The following ZNF395 variants were observed in gnomAD, a reference collection of about 807,000 sequenced individuals.
The protein encoded by ZNF395 is zinc finger protein 395.
Under a neutral mutation model 57.7 loss-of-function variants are expected in ZNF395, and 20 were observed. The ratio of observed to expected loss-of-function variants is 0.35; its 90% CI spans 0.24 to 0.50. The LOEUF is 0.50. Ranked by LOEUF, ZNF395 falls within the 20% of genes least tolerant of loss-of-function variation. The pLI, the probability that ZNF395 is intolerant of heterozygous loss-of-function variation, is 0.97. For synonymous variants in ZNF395, 295 were observed against 275.9 expected (o/e 1.07, Z -0.69); for missense variants, 606 against 671.2 (o/e 0.90, Z 1.07).
At chr8:28,354,193 G>A (rs1240362544) in intron 4 of ZNF395, among the ~76,000 whole-genome samples, 1 of 152,218 alleles carries the variant, frequency 6.6e-6, no homozygotes, top group Non-Finnish European at 1.5e-5. Flanking sequence ...GCTCCTGAAT[G>A]CCTCTGAGCA....
intron 2 of ZNF395, among the ~76,000 whole-genome samples, chr8:28,360,434 G>T (rs1274810184): frequency 6.6e-6 from 1 of 152,178 alleles, no homozygotes; most frequent in Non-Finnish European, 1.5e-5. Flanking sequence ...ACAGGGGCAG[G>T]GATGCTGGAA....
At chr8:28,354,234 C>A (rs897423675) in intron 4 of ZNF395, among the ~76,000 whole-genome samples, 8 of 152,196 alleles carry the variant, frequency 5.3e-5, no homozygotes, top group Non-Finnish European at 1.2e-4. Flanking sequence ...CATGGAGAAT[C>A]TTCCGTTTTT....
intron 8 of ZNF395, among the ~76,000 whole-genome samples, chr8:28,349,793 C>A (rs1019376061): frequency 2.6e-5 from 4 of 152,244 alleles, no homozygotes; most frequent in African/African-American, 9.6e-5. Flanking sequence ...ACCCCAGCCT[C>A]GCCTGGTGAT....
intron 1 of ZNF395, among the ~76,000 whole-genome samples, chr8:28,369,981 G>A (rs749547709): frequency 5.9e-5 from 9 of 152,098 alleles, no homozygotes; most frequent in African/African-American, 9.7e-5. Flanking sequence ...CACTTAATAC[G>A]CTCTGAAGCT....
chr8:28,359,818 C>T lies in ZNF395; in HGVS notation c.247G>A (p.Val83Met). ...VAFQPGQKVYVWYGGQECTGL... is the reference protein window; with the variant it reads ...VAFQPGQKVYMWYGGQECTGL... Reference sequence around the variant, plus strand: ...GTGCACTCTTGACCCCCGTACCACACATAAACCTGTGGGAAGAGGGACAGC... The same window carrying T: ...GTGCACTCTTGACCCCCGTACCACATATAAACCTGTGGGAAGAGGGACAGC... The change falls in exon 3 of 10, where the codon GTG becomes ATG. Residue 83 changes from valine to methionine, a missense_variant. Val to Met is a conservative substitution (Grantham distance 21). Around this residue, in one of 3 missense-constraint regions of ZNF395, gnomAD observed 309 missense variants for 374.7 expected, o/e 0.82. Coordinates refer to ENST00000344423, the MANE Select transcript of ZNF395 (RefSeq NM_018660.3). This position sits in a 1 kb window ranked among gnomAD's most constrained non-coding sequence, Gnocchi z 4.7. 3 of 1,613,216 alleles carry T rather than the reference C, an allele frequency of 1.9e-6. No homozygotes were observed. Among genetic ancestry groups the T allele is most frequent in the Non-Finnish European group, 2.5e-6 (3 of 1,179,434 alleles).
rs370570508 is a variant in ZNF395, at chr8:28,348,785, G to A, written c.1476C>T (p.Ile492=). 1.1e-5 allele frequency: 18 copies of A among 1,614,002 alleles called. No homozygotes were observed. Among genetic ancestry groups the A allele is most frequent in the South Asian group, 4.4e-5 (4 of 91,084 alleles). ...EAKKCRKVYG[I]EHRDQWCTAC... ...CCGTGCACCACTGGTCCCGGTGCTC[G>A]ATGCCATACACCTTGCGGCACTTCT... is the stretch of plus-strand genomic sequence containing the variant. The change falls in exon 10 of 10, where the codon ATC becomes ATT. Residue 492 remains isoleucine, a synonymous_variant. Coordinates refer to ENST00000344423, the MANE Select transcript of ZNF395 (RefSeq NM_018660.3).
intron 7 of ZNF395, 70 bp from the exon 8 acceptor site, chr8:28,350,226 C>T (rs1392125902): frequency 2.3e-6 from 3 of 1,318,782 alleles, no homozygotes; most frequent in South Asian, 2.6e-5. Flanking sequence ...ACAATCCCCA[C>T]AGCCTCATGA....
intron 1 of ZNF395, among the ~76,000 whole-genome samples, chr8:28,380,729 A>G (rs1259774912): frequency 2.6e-5 from 4 of 152,218 alleles, no homozygotes; most frequent in Admixed American, 2.0e-4. Context: ...ACAAACCACC[A>G]TATAAGACAG....
At chr8:28,370,466 G>C (rs770530902) in intron 1 of ZNF395, among the ~76,000 whole-genome samples, 1 of 152,238 alleles carries the variant, frequency 6.6e-6, no homozygotes, top group Non-Finnish European at 1.5e-5. Flanking sequence ...TGAGTTTCGA[G>C]ACGAAAGAGA....
Position 28,356,818 on chromosome 8 carries a change from G to T in ZNF395, c.474-39C>A. ...GATGAGTGGGAAATGTTACTTCCTG[G>T]CATGGCGGGCCCATGGTCCTTGCAA... On this transcript the variant is annotated intron_variant, in intron 3 of 9. Coordinates refer to ENST00000344423, the MANE Select transcript of ZNF395 (RefSeq NM_018660.3). This position sits in a 1 kb window ranked among gnomAD's most constrained non-coding sequence, Gnocchi z 4.0. 1.3e-6 allele frequency: 2 copies of T among 1,533,536 alleles called. No individual in the cohort carries two copies. The highest frequency in any genetic ancestry group is 1.8e-6 in the Non-Finnish European group (2 of 1,121,116). 95.0% of individuals were successfully genotyped at this position (1,533,536 alleles called of 1,614,324 possible). A position where few individuals can be genotyped will look rare whatever the true frequency, so the allele number is the denominator to read the frequency against.
Position 28,351,652 on chromosome 8 carries a change from A to G in ZNF395, c.1076T>C (p.Met359Thr). 6.2e-7 allele frequency: 1 copy of G among 1,613,286 alleles called. No individual in the cohort carries two copies. Among genetic ancestry groups the G allele is most frequent in the Non-Finnish European group, 8.5e-7 (1 of 1,179,898 alleles). The change falls in exon 7 of 10, where the codon ATG becomes ACG. Residue 359 changes from methionine (M) to threonine (T), a missense_variant. By Grantham distance (81) the Met-to-Thr change is moderately conservative. Around this residue, in one of 3 missense-constraint regions of ZNF395, gnomAD observed 261 missense variants for 240.3 expected, o/e 1.09. Transcript: ENST00000344423. ...PTSEPAPTPSMTGLPLSALPP... is the reference protein window; with the variant it reads ...PTSEPAPTPSTTGLPLSALPP... Reference sequence around the variant, plus strand: ...AAGAGCAGACAGAGGCAGGCCAGTCATGCTGGGGGTGGGAGCTGGCTCGGA... The same window carrying G: ...AAGAGCAGACAGAGGCAGGCCAGTCGTGCTGGGGGTGGGAGCTGGCTCGGA...
chr8:28,351,131 G>A (rs1264889965), intron 7 of ZNF395, among the ~76,000 whole-genome samples: 1 of 152,194 alleles, frequency 6.6e-6, no homozygotes, highest in Admixed American at 6.5e-5. Context: ...ATGCGTGCTG[G>A]ACTGTCTGTC....
chr8:28,353,464 T>A, intron 4 of ZNF395, 56 bp from the exon 5 acceptor site: 1 of 1,365,814 alleles, frequency 7.3e-7, no homozygotes, highest in Non-Finnish European at 9.8e-7. Context: ...CTGGGCAAAC[T>A]CTCCCTTCTG....
Position 28,350,145 on chromosome 8 carries a change from G to T in ZNF395, c.1245C>A (p.Ser415=). ...TGTGTGGTGAGACTGGGATCTGGAA[G>T]GATGGCAGAGCCTGCGGAAGACGAG... is the stretch of plus-strand genomic sequence containing the variant. ...QADHAYQALP[S]FQIPVSPHIY... The change falls in exon 8 of 10, where the codon TCC becomes TCA. Residue 415 remains serine (S), a synonymous_variant. Transcript: ENST00000344423. The T allele has an allele frequency of 6.2e-7, 1 of 1,604,348 alleles. No homozygotes were observed.
At chr8:28,374,307 A>G (rs1802011812) in intron 1 of ZNF395, among the ~76,000 whole-genome samples, 1 of 152,208 alleles carries the variant, frequency 6.6e-6, no homozygotes, top group South Asian at 2.1e-4. Flanking sequence ...TATGTGAGGC[A>G]TCTGAAGAAC....
chr8:28,379,917 G>A (rs916830345), intron 1 of ZNF395, among the ~76,000 whole-genome samples: 2 of 148,698 alleles, frequency 1.3e-5, no homozygotes, highest in African/African-American at 5.0e-5. Flanking sequence ...ATACTATTTT[G>A]GTGTATTTCC....
intron 1 of ZNF395, chr8:28,368,321 T>A (rs545726308): frequency 6.6e-6 from 1 of 152,244 alleles, no homozygotes; most frequent in South Asian, 2.1e-4. Context: ...GGCACTCAGG[T>A]TTATACTCTC....
chr8:28,384,642 A>G (rs1802149418), intron 1 of ZNF395, among the ~76,000 whole-genome samples: 1 of 151,850 alleles, frequency 6.6e-6, no homozygotes, highest in Non-Finnish European at 1.5e-5. Context: ...CCACTTTGTA[A>G]ATTATCCCAC....
chr8:28,351,686 T>G lies in ZNF395; in HGVS notation c.1042A>C (p.Thr348Pro). Reference sequence around the variant, plus strand: ...GTGGGAGCTGGCTCGGAGGTGGGAGTCCCAGGGACTGGGGTGCCTGCGGCA... The same window carrying G: ...GTGGGAGCTGGCTCGGAGGTGGGAGGCCCAGGGACTGGGGTGCCTGCGGCA... ...AAAAGTPVPG[T>P]PTSEPAPTPS... Residue 348 changes from threonine (T) to proline (P), a missense_variant, in exon 7 of 10, where the codon ACT becomes CCT. Thr to Pro is a conservative substitution (Grantham distance 38). Coordinates refer to ENST00000344423, the MANE Select transcript of ZNF395 (RefSeq NM_018660.3). 3 of 1,611,180 alleles carry G rather than the reference T, an allele frequency of 1.9e-6. No individual in the cohort carries two copies. Among genetic ancestry groups the G allele is most frequent in the Non-Finnish European group, 2.5e-6 (3 of 1,179,728 alleles).
Sources: allele counts gnomAD v4.1 joint callset (sites outside exome capture counted in the v4.1 genomes callset), GRCh38; gene constraint gnomAD v4.1.1; regional missense constraint gnomAD v4.1.1; non-coding constraint Gnocchi (gnomAD v3.1); transcripts MANE v1.5; gene names NCBI Gene and HGNC (gene_info 2026-07-23, HGNC 2026-07-21).